KALRN: variants seen among roughly 807,000 people sequenced by gnomAD.
The protein encoded by KALRN is kalirin.
KALRN carries 70 observed loss-of-function variants against 353.7 expected under a neutral mutation model. That is an observed-to-expected ratio of 0.20 (90% CI 0.16 to 0.24). The LOEUF is 0.24. Among genes scored for constraint, KALRN ranks in the 10% least tolerant of loss-of-function variants. The pLI, the probability that KALRN is intolerant of heterozygous loss-of-function variation, is 1.00. For missense variants in KALRN, 2,791 were observed against 3,756.7 expected (o/e 0.74, Z 6.72); for synonymous variants, 1,391 against 1,434.8 (o/e 0.97, Z 0.69).
chr3:124,674,514 G>T lies in KALRN; in HGVS notation c.7093G>T (p.Ala2365Ser). The part of the protein sequence containing the change: ...QQNMCLVYQP[A>S]SDHSPAAEGW... Reference sequence around the variant, plus strand: ...GAACATGTGTCTGGTGTACCAGCCTGCCAGCGACCATTCCCCCGCCGCCGA... The same window carrying T: ...GAACATGTGTCTGGTGTACCAGCCTTCCAGCGACCATTCCCCCGCCGCCGA... The change falls in exon 49 of 60, where the codon GCC becomes TCC. Residue 2365 changes from alanine (A) to serine (S), a missense_variant. Ala to Ser is a moderately conservative substitution (Grantham distance 99). Transcript: ENST00000682506. 1 of 1,613,918 alleles carries T rather than the reference G, an allele frequency of 6.2e-7. No homozygotes were observed. Among genetic ancestry groups the T allele is most frequent in the Non-Finnish European group, 8.5e-7 (1 of 1,179,924 alleles).
chr3:124,439,198 TCTCACACA>T lies in KALRN; in HGVS notation c.3198+163_3198+170del, dbSNP rs1254229407. On this transcript the variant is annotated intron_variant, in intron 18 of 59. Coordinates refer to ENST00000682506, the MANE Select transcript of KALRN (RefSeq NM_001388419.1). ...CCTCCTTCTTCTCCTTCTCTCTCTC[TCTCACACA>T]CACACACACACACACACACACACAC... 1.2e-3 allele frequency among the ~76,000 whole-genome samples: 145 copies of T among 125,452 alleles called. 2 individuals carry two copies. Among genetic ancestry groups the T allele is most frequent in the East Asian group, 2.3e-3 (10 of 4,396 alleles). 82.3% of individuals were successfully genotyped at this position (125,452 alleles called of 152,430 possible). A position where few individuals can be genotyped will look rare whatever the true frequency, so the allele number is the denominator to read the frequency against.
At chr3:124,196,336 C>T (rs1420234334) in intron 1 of KALRN, among the ~76,000 whole-genome samples, 1 of 152,068 alleles carries the variant, frequency 6.6e-6, no homozygotes, top group Non-Finnish European at 1.5e-5. Flanking sequence ...GCTGTTATTA[C>T]AGATAATATA....
chr3:124,142,175 A>G (rs1406776313), intron 1 of KALRN, among the ~76,000 whole-genome samples: 1 of 152,192 alleles, frequency 6.6e-6, no homozygotes, highest in African/African-American at 2.4e-5. Flanking sequence ...TGTCAGAGAC[A>G]TAGGGCTAAG....
At chr3:124,533,244 A>G (rs2068207617) in intron 33 of KALRN, among the ~76,000 whole-genome samples, 1 of 152,050 alleles carries the variant, frequency 6.6e-6, no homozygotes, top group Non-Finnish European at 1.5e-5. Context: ...AAAATAAAAA[A>G]TAATTTAAAA....
chr3:124,190,114 G>A (rs1464914412), intron 1 of KALRN, among the ~76,000 whole-genome samples: 1 of 152,124 alleles, frequency 6.6e-6, no homozygotes, highest in Admixed American at 6.6e-5. Flanking sequence ...CCCACTTACT[G>A]CAGGAAGCAA....
chr3:124,616,834 C>T (rs1214265744), intron 34 of KALRN, among the ~76,000 whole-genome samples: 3 of 151,764 alleles, frequency 2.0e-5, no homozygotes, highest in African/African-American at 4.8e-5. Context: ...ACATGGTGGC[C>T]GGCGCCTGTA....
chr3:124,642,229 A>C (rs2082110222), intron 37 of KALRN, among the ~76,000 whole-genome samples: 1 of 152,102 alleles, frequency 6.6e-6, no homozygotes, highest in Admixed American at 6.5e-5. Flanking sequence ...GGTTGCAGTG[A>C]GCCGAGATCG....
intron 35 of KALRN, among the ~76,000 whole-genome samples, chr3:124,632,990 A>G (rs2080944965): frequency 6.6e-6 from 1 of 152,214 alleles, no homozygotes; most frequent in South Asian, 2.1e-4. Flanking sequence ...ACCTCTACTA[A>G]GGACTACATT....
At chr3:124,141,218 G>A (rs990037090) in intron 1 of KALRN, among the ~76,000 whole-genome samples, 1 of 152,116 alleles carries the variant, frequency 6.6e-6, no homozygotes, top group African/African-American at 2.4e-5. Flanking sequence ...AACCCTGCAG[G>A]TTTCTTTTAC....
intron 10 of KALRN, among the ~76,000 whole-genome samples, chr3:124,354,685 C>T (rs2083196516): frequency 6.6e-6 from 1 of 152,142 alleles, no homozygotes; most frequent in African/African-American, 2.4e-5. Context: ...GCATGTGTAA[C>T]AAGTAGTGCA....
chr3:124,664,370 T>TGTGTGTGTGC lies in KALRN; in HGVS notation c.6346-2078_6346-2077insTGTGTGTGCG, dbSNP rs370394911. On this transcript the variant is annotated intron_variant, in intron 45 of 59. Coordinates refer to ENST00000682506, the MANE Select transcript of KALRN (RefSeq NM_001388419.1). ...GTGTGTGTGTGTGTGTGTGTGTGTG[T>TGTGTGTGTGC]GCGCGCGCGCGCATATAAGGGCACC... is the stretch of plus-strand genomic sequence containing the variant. Among the ~76,000 whole-genome samples, 735 of 129,536 alleles carry TGTGTGTGTGC rather than the reference T, an allele frequency of 5.7e-3. 8 individuals are homozygous for TGTGTGTGTGC. Among genetic ancestry groups the TGTGTGTGTGC allele is most frequent in the African/African-American group, 0.019 (666 of 34,524 alleles). 85.0% of individuals were successfully genotyped at this position (129,536 alleles called of 152,430 possible).
At chr3:124,056,499 A>G (rs2149184766) in intron 1 of KALRN, among the ~76,000 whole-genome samples, 1 of 152,266 alleles carries the variant, frequency 6.6e-6, no homozygotes, top group African/African-American at 2.4e-5. Context: ...CTTCACTATA[A>G]AGTGAAAGTG....
chr3:124,154,303 A>C (rs1450075132), intron 1 of KALRN, among the ~76,000 whole-genome samples: 2 of 152,206 alleles, frequency 1.3e-5, no homozygotes, highest in Non-Finnish European at 2.9e-5. Flanking sequence ...TTCAATTACA[A>C]AAACAGGAAG....
rs543486719 is a variant in KALRN, at chr3:124,237,407, G to T, written c.263+2464G>T. On this transcript the variant is annotated intron_variant, in intron 3 of 59. Coordinates refer to ENST00000682506, the MANE Select transcript of KALRN (RefSeq NM_001388419.1). ...AGACTGAGTCTCACTCTATCACCCAGGCTGGAGTGCAGTGGCACAATCTCG... is the reference window on the plus strand; with the variant it reads ...AGACTGAGTCTCACTCTATCACCCATGCTGGAGTGCAGTGGCACAATCTCG... 2.0e-5 allele frequency among the ~76,000 whole-genome samples: 3 copies of T among 146,450 alleles called. No individual in the cohort carries two copies. The East Asian group carries it at 7.6e-4, about 37-fold the overall frequency.
chr3:124,686,208 A>G (rs1433452497), intron 51 of KALRN, among the ~76,000 whole-genome samples: 1 of 152,186 alleles, frequency 6.6e-6, no homozygotes, highest in African/African-American at 2.4e-5. Flanking sequence ...CATTCTGTGG[A>G]TATTTATGCA....
At chr3:124,541,645 G>A (rs2069045026) in intron 33 of KALRN, among the ~76,000 whole-genome samples, 1 of 151,496 alleles carries the variant, frequency 6.6e-6, no homozygotes, top group Admixed American at 6.6e-5. Context: ...CCAGCACTTT[G>A]GGATTTCACT....
chr3:124,034,352 G>T (rs986176528), intron 1 of KALRN, among the ~76,000 whole-genome samples: 23 of 152,322 alleles, frequency 1.5e-4, no homozygotes, highest in African/African-American at 5.5e-4. Flanking sequence ...CGCCTGGTGC[G>T]TGTGGGGAGC....
At chr3:124,152,691 T>G (rs1297528141) in intron 1 of KALRN, among the ~76,000 whole-genome samples, 1 of 151,062 alleles carries the variant, frequency 6.6e-6, no homozygotes, top group African/African-American at 2.4e-5. Context: ...CTGCCCGGGT[T>G]CAAGCGATTC....
intron 1 of KALRN, among the ~76,000 whole-genome samples, chr3:124,159,495 C>T (rs749040000): frequency 2.0e-5 from 3 of 151,346 alleles, no homozygotes; most frequent in Non-Finnish European, 4.4e-5. Context: ...TGGTCTTGAA[C>T]TCATGAGCTC....
Sources: allele counts gnomAD v4.1 joint callset (sites outside exome capture counted in the v4.1 genomes callset), GRCh38; gene constraint gnomAD v4.1.1; transcripts MANE v1.5; gene names NCBI Gene and HGNC (gene_info 2026-07-23, HGNC 2026-07-21).